The following PCDH11X variants were observed in gnomAD, a reference collection of about 807,000 sequenced individuals.
PCDH11X encodes the protein protocadherin-11 X-linked.
Under a neutral mutation model 53.3 loss-of-function variants are expected in PCDH11X, and 18 were observed. That is an observed-to-expected ratio of 0.34 (90% CI 0.23 to 0.50). The LOEUF is 0.50. PCDH11X is among the 20% of genes least tolerant of loss of function. The probability of loss-of-function intolerance (pLI) is 0.98; values close to 1 mark genes in which losing one functional copy is unlikely to be tolerated. For missense variants in PCDH11X, 570 were observed against 1,032.4 expected, an observed-to-expected ratio of 0.55 and a Z score of 6.14; for synonymous variants, 279 against 393.3, an observed-to-expected ratio of 0.71 and a Z score of 3.44.
At chrX:92,050,748 T>C (rs148456264) in intron 6 of PCDH11X, among the ~76,000 whole-genome samples, 5,525 of 109,835 alleles carry the variant, frequency 0.05, 280 homozygotes, top group African/African-American at 0.15. Context: ...GCAGACAGAG[T>C]TAACGAATAA....
intron 6 of PCDH11X, among the ~76,000 whole-genome samples, chrX:92,095,113 C>T (rs191663058): frequency 9.0e-6 from 1 of 110,863 alleles, no homozygotes; most frequent in East Asian, 2.9e-4. Flanking sequence ...ATCCCCTAAC[C>T]CCCAATCCCC....
At chrX:92,523,869 A>G (rs1459179823) in intron 10 of PCDH11X, among the ~76,000 whole-genome samples, 2 of 110,744 alleles carry the variant, frequency 1.8e-5, no homozygotes, top group African/African-American at 3.3e-5. Flanking sequence ...TTCACCTCAC[A>G]ATCCATCATA....
chrX:92,501,266 A>G (rs2073955058), intron 10 of PCDH11X, among the ~76,000 whole-genome samples: 1 of 110,266 alleles, frequency 9.1e-6, no homozygotes. Flanking sequence ...TCACAGGACC[A>G]TACAGATTCA....
At chrX:92,437,811 G>A (rs1197557137) in intron 9 of PCDH11X, among the ~76,000 whole-genome samples, 3 of 109,874 alleles carry the variant, frequency 2.7e-5, no homozygotes, top group Admixed American at 2.0e-4. Context: ...CCCAAGGGTG[G>A]AAAAGGACCC....
chrX:91,804,826 C>T (rs1936045450), intron 1 of PCDH11X, among the ~76,000 whole-genome samples: 1 of 109,649 alleles, frequency 9.1e-6, no homozygotes, highest in South Asian at 3.9e-4. Context: ...AATAATTTTC[C>T]AGAGGAACTT....
intron 6 of PCDH11X, among the ~76,000 whole-genome samples, chrX:92,098,611 C>T (rs1190345817): frequency 2.1e-5 from 2 of 96,322 alleles, no homozygotes; most frequent in African/African-American, 7.7e-5. Flanking sequence ...GCTGGTTGTG[C>T]TTGTCCAGTG....
At chrX:92,504,758 C>A (rs1456339371) in intron 10 of PCDH11X, among the ~76,000 whole-genome samples, 3 of 112,115 alleles carry the variant, frequency 2.7e-5, no homozygotes, top group Non-Finnish European at 5.6e-5. Flanking sequence ...ATTTACACTG[C>A]CATGAGCAGT....
At chrX:91,935,983 G>T (rs2061440344) in intron 6 of PCDH11X, among the ~76,000 whole-genome samples, 2 of 107,050 alleles carry the variant, frequency 1.9e-5, no homozygotes, top group Non-Finnish European at 3.9e-5. Context: ...AGAGAGAATA[G>T]ATTGTTGATG....
intron 4 of PCDH11X, among the ~76,000 whole-genome samples, chrX:91,816,769 A>G (rs1326846215): frequency 6.3e-5 from 7 of 111,332 alleles, no homozygotes; most frequent in Non-Finnish European, 1.1e-4. Flanking sequence ...GCTATGTTAG[A>G]AAACAGTGGC....
At chrX:91,931,570 A>T (rs904633825) in intron 6 of PCDH11X, among the ~76,000 whole-genome samples, 7 of 111,213 alleles carry the variant, frequency 6.3e-5, no homozygotes, top group African/African-American at 1.3e-4. Context: ...CACTATGTGA[A>T]TTCTAAGTCC....
intron 8 of PCDH11X, among the ~76,000 whole-genome samples, chrX:92,369,872 T>C (rs1466088018): frequency 9.3e-6 from 1 of 107,828 alleles, no homozygotes; most frequent in Non-Finnish European, 1.9e-5. Context: ...GTACCTCAGT[T>C]GGAAATGACA....
At chrX:92,070,999 G>T (rs1297893546) in intron 6 of PCDH11X, among the ~76,000 whole-genome samples, 1 of 109,110 alleles carries the variant, frequency 9.2e-6, no homozygotes, top group African/African-American at 3.4e-5. Context: ...TAAAGATGGG[G>T]TTTCACCATG....
At chrX:91,932,463 T>G (rs2061398337) in intron 6 of PCDH11X, among the ~76,000 whole-genome samples, 1 of 95,103 alleles carries the variant, frequency 1.1e-5, no homozygotes, top group African/African-American at 3.9e-5. Context: ...TGGAGAAACA[T>G]GGGAAGAGGG....
intron 7 of PCDH11X, among the ~76,000 whole-genome samples, chrX:92,241,564 C>A (rs762170590): frequency 9.0e-6 from 1 of 110,873 alleles, no homozygotes; most frequent in African/African-American, 3.3e-5. Context: ...TCTTTAAAGC[C>A]CCGAGCATGA....
chrX:92,546,925 C>A (rs1264681567), intron 10 of PCDH11X, among the ~76,000 whole-genome samples: 6 of 111,662 alleles, frequency 5.4e-5, no homozygotes, highest in Non-Finnish European at 7.5e-5. Context: ...AGGCTTGTTG[C>A]CTGAAATACC....
intron 9 of PCDH11X, among the ~76,000 whole-genome samples, chrX:92,446,608 C>T (rs1191570336): frequency 1.8e-5 from 2 of 111,583 alleles, no homozygotes; most frequent in Non-Finnish European, 3.8e-5. Flanking sequence ...TGTGAGGCCT[C>T]CCCAGCCATG....
intron 8 of PCDH11X, among the ~76,000 whole-genome samples, chrX:92,272,103 C>T (rs1016826287): frequency 9.0e-6 from 1 of 111,316 alleles, no homozygotes; most frequent in Non-Finnish European, 1.9e-5. Flanking sequence ...ATGGAGTCCT[C>T]AGTAGTAGTG....
intron 9 of PCDH11X, among the ~76,000 whole-genome samples, chrX:92,424,986 G>T (rs1432796860): frequency 1.0e-5 from 1 of 97,335 alleles, no homozygotes; most frequent in African/African-American, 3.3e-5. Flanking sequence ...AAACCTTTGA[G>T]AAGCAGATGC....
intron 6 of PCDH11X, among the ~76,000 whole-genome samples, chrX:91,996,171 A>G (rs1602642590): frequency 1.7e-5 from 1 of 57,471 alleles, no homozygotes; most frequent in Non-Finnish European, 3.0e-5. Flanking sequence ...TTTGAGACGG[A>G]GGTTCAGTCT....
Sources: allele counts gnomAD v4.1 joint callset (sites outside exome capture counted in the v4.1 genomes callset), GRCh38; gene constraint gnomAD v4.1.1; transcripts MANE v1.5; gene names NCBI Gene and HGNC (gene_info 2026-07-23, HGNC 2026-07-21).